Variants in RIC8B observed in about 807,000 individuals in gnomAD.
RIC8B encodes the protein RIC8 guanine nucleotide exchange factor B.
In RIC8B, 16 loss-of-function variants were observed where a neutral mutation model predicts 57.5. The ratio of observed to expected loss-of-function variants is 0.28; its 90% CI spans 0.19 to 0.42. The LOEUF (loss-of-function observed/expected upper bound fraction) is 0.42, where lower values mean the gene tolerates loss of function less well. Ranked by LOEUF, RIC8B falls within the 10% of genes least tolerant of loss-of-function variation. The pLI, the probability that RIC8B is intolerant of heterozygous loss-of-function variation, is 1.00. For missense variants in RIC8B, 481 were observed against 677.0 expected, an observed-to-expected ratio of 0.71 and a Z score of 3.21; for synonymous variants, 216 against 250.8, an observed-to-expected ratio of 0.86 and a Z score of 1.31.
At chr12:106,875,288 G>GA (rs1183801846) in intron 9 of RIC8B, among the ~76,000 whole-genome samples, 2 of 152,092 alleles carry the variant, frequency 1.3e-5, no homozygotes, top group Non-Finnish European at 2.9e-5. Flanking sequence ...TTTAATGTGA[G>GA]GGCAGAGATG....
chr12:106,819,982 C>A (rs185211280), intron 3 of RIC8B, among the ~76,000 whole-genome samples: 1 of 151,870 alleles, frequency 6.6e-6, no homozygotes, highest in Non-Finnish European at 1.5e-5. Context: ...GGTGGGCCAG[C>A]GGGTTTCAAA....
Position 106,845,657 on chromosome 12 carries a change from A to G in RIC8B, c.1161+1710A>G, listed in dbSNP as rs144072262. 3.5e-3 allele frequency among the ~76,000 whole-genome samples: 530 copies of G among 152,244 alleles called. 3 individuals carry two copies. Among genetic ancestry groups the G allele is most frequent in the African/African-American group, 0.012 (497 of 41,538 alleles). On this transcript the variant is annotated intron_variant, in intron 6 of 9. Coordinates refer to ENST00000392837, the MANE Select transcript of RIC8B (RefSeq NM_001330145.2). The stretch of plus-strand genomic sequence containing the variant: ...GCACCCAAACACATCTTTCATCTTA[A>G]AAACAAAAACACCTTCCCTTATCCC...
intron 8 of RIC8B, among the ~76,000 whole-genome samples, chr12:106,862,110 C>T (rs1403158248): frequency 1.3e-5 from 2 of 151,954 alleles, no homozygotes; most frequent in African/African-American, 2.4e-5. Context: ...TGTCTTGGCT[C>T]TCTGTCATGG....
intron 7 of RIC8B, among the ~76,000 whole-genome samples, chr12:106,857,044 G>A (rs1949741161): frequency 6.6e-6 from 1 of 152,166 alleles, no homozygotes; most frequent in Non-Finnish European, 1.5e-5. Context: ...ATCTTTAGGA[G>A]ACAAGTTTGG....
At chr12:106,816,645 G>A (rs2045587458) in intron 3 of RIC8B, among the ~76,000 whole-genome samples, 1 of 152,088 alleles carries the variant, frequency 6.6e-6, no homozygotes, top group East Asian at 1.9e-4. Context: ...CATTGTTAGA[G>A]CCCCCTGTTA....
chr12:106,885,191 G>T (rs939508106), intron 9 of RIC8B, among the ~76,000 whole-genome samples: 4 of 152,204 alleles, frequency 2.6e-5, no homozygotes, highest in African/African-American at 7.2e-5. Flanking sequence ...GCTGTAACTT[G>T]TGGAGTAGAT....
intron 9 of RIC8B, chr12:106,874,440 CAATG>C: frequency 6.9e-7 from 1 of 1,455,014 alleles, no homozygotes; most frequent in Non-Finnish European, 9.4e-7. Flanking sequence ...GTGATGTGGC[CAATG>C]AATGGACACT....
intron 3 of RIC8B, among the ~76,000 whole-genome samples, chr12:106,816,625 G>A (rs1466800205): frequency 2.0e-5 from 3 of 152,160 alleles, no homozygotes; most frequent in African/African-American, 7.2e-5. Context: ...TCCAGAGACT[G>A]TTGGTTTGCC....
At chr12:106,778,408 T>C (rs753705277) in intron 1 of RIC8B, among the ~76,000 whole-genome samples, 2 of 152,212 alleles carry the variant, frequency 1.3e-5, no homozygotes, top group African/African-American at 2.4e-5. Flanking sequence ...TGACACAGCA[T>C]AGGTCTCAGC....
At chr12:106,802,422 A>G (rs1258373400) in intron 2 of RIC8B, among the ~76,000 whole-genome samples, 1 of 152,144 alleles carries the variant, frequency 6.6e-6, no homozygotes, top group African/African-American at 2.4e-5. Context: ...CTGTAGCCAT[A>G]ATGGACAAAA....
chr12:106,809,063 A>T (rs1363356929), intron 2 of RIC8B, among the ~76,000 whole-genome samples: 1 of 152,122 alleles, frequency 6.6e-6, no homozygotes, highest in Non-Finnish European at 1.5e-5. Flanking sequence ...TGGAGGGAAA[A>T]AAAGGCCTAA....
Position 106,871,002 on chromosome 12 carries a change from TCTCA to T in RIC8B, c.1571+63_1571+66del, listed in dbSNP as rs1323156869. 2.7e-6 allele frequency: 4 copies of T among 1,499,754 alleles called. 1 individual carries two copies. Among genetic ancestry groups the T allele is most frequent in the Non-Finnish European group, 3.6e-6 (4 of 1,111,758 alleles). 92.9% of individuals were successfully genotyped at this position (1,499,754 alleles called of 1,614,324 possible). On this transcript the variant is annotated intron_variant, in intron 9 of 9. Coordinates refer to ENST00000392837, the MANE Select transcript of RIC8B (RefSeq NM_001330145.2). ...TAAAAATGGTCTATTTCTTTGTCTC[TCTCA>T]CTGAGAGTTACCATAGAACAGCAAC...
chr12:106,829,792 A>T (rs1325102702), intron 4 of RIC8B, among the ~76,000 whole-genome samples: 1 of 152,202 alleles, frequency 6.6e-6, no homozygotes, highest in Non-Finnish European at 1.5e-5. Flanking sequence ...GGTGTTTTTC[A>T]AAAAGCAAAT....
intron 4 of RIC8B, among the ~76,000 whole-genome samples, chr12:106,826,569 C>G (rs905633819): frequency 2.0e-5 from 3 of 152,044 alleles, no homozygotes; most frequent in African/African-American, 7.2e-5. Flanking sequence ...GCCTGGCCAA[C>G]ATGGTGAAAC....
intron 2 of RIC8B, among the ~76,000 whole-genome samples, chr12:106,813,384 G>C (rs1365741478): frequency 6.6e-6 from 1 of 151,950 alleles, no homozygotes; most frequent in Non-Finnish European, 1.5e-5. Flanking sequence ...TAGAGACGGG[G>C]TTCCACCACG....
chr12:106,871,230 G>A (rs1950389269), intron 9 of RIC8B: 1 of 227,816 alleles, frequency 4.4e-6, no homozygotes, highest in Non-Finnish European at 8.4e-6. Flanking sequence ...AAGATGCTGT[G>A]AGTTAGATTC....
At chr12:106,832,843 A>G (rs1445852447) in intron 4 of RIC8B, among the ~76,000 whole-genome samples, 1 of 152,184 alleles carries the variant, frequency 6.6e-6, no homozygotes, top group African/African-American at 2.4e-5. Context: ...ATCTCAGGAA[A>G]TTAAGTGGCT....
intron 2 of RIC8B, among the ~76,000 whole-genome samples, chr12:106,803,147 A>C (rs1350179025): frequency 7.0e-6 from 1 of 143,682 alleles, no homozygotes; most frequent in Non-Finnish European, 1.5e-5. Flanking sequence ...CGGAGTTCGA[A>C]GTTACAGTGA....
At chr12:106,809,687 C>A (rs1356989490) in intron 2 of RIC8B, among the ~76,000 whole-genome samples, 7 of 149,466 alleles carry the variant, frequency 4.7e-5, no homozygotes, top group African/African-American at 7.4e-5. Flanking sequence ...AAATTTGAAA[C>A]AAAAAAAAAA....
Sources: allele counts gnomAD v4.1 joint callset (sites outside exome capture counted in the v4.1 genomes callset), GRCh38; gene constraint gnomAD v4.1.1; transcripts MANE v1.5; gene names NCBI Gene and HGNC (gene_info 2026-07-23, HGNC 2026-07-21).